ADPGK: variants seen among roughly 807,000 people sequenced by gnomAD.
The protein encoded by ADPGK is ADP-dependent glucokinase.
Under a neutral mutation model 42.4 loss-of-function variants are expected in ADPGK, and 26 were observed. That is an observed-to-expected ratio of 0.61 (90% CI 0.45 to 0.85). The LOEUF is 0.85. ADPGK is among the 40% of genes least tolerant of loss of function. The pLI, the probability that ADPGK is intolerant of heterozygous loss-of-function variation, is 0.00. For synonymous variants in ADPGK, 267 were observed against 252.6 expected (o/e 1.06, Z -0.54); for missense variants, 571 against 627.0 (o/e 0.91, Z 0.95).
At chr15:72,755,933 G>A in intron 5 of ADPGK, 6 of 647,290 alleles carry the variant, frequency 9.3e-6, no homozygotes, top group Non-Finnish European at 1.1e-5. Flanking sequence ...CAGCATAGCT[G>A]ATGTGAAGTG....
At chr15:72,775,569 C>T (rs1452954167) in intron 1 of ADPGK, among the ~76,000 whole-genome samples, 1 of 152,194 alleles carries the variant, frequency 6.6e-6, no homozygotes, top group Non-Finnish European at 1.5e-5. Context: ...TACTTAGGAA[C>T]AGCAATTGGC....
intron 3 of ADPGK, among the ~76,000 whole-genome samples, chr15:72,770,880 C>A (rs927480324): frequency 3.9e-5 from 6 of 152,146 alleles, no homozygotes; most frequent in Non-Finnish European, 8.8e-5. Context: ...CTTCTGGTTC[C>A]ACCACTCTGA....
chr15:72,765,529 T>G (rs1435990749), intron 3 of ADPGK, among the ~76,000 whole-genome samples: 4 of 152,244 alleles, frequency 2.6e-5, no homozygotes, highest in Admixed American at 1.3e-4. Flanking sequence ...CTCTGATGGA[T>G]CTGGGCAAAG....
intron 4 of ADPGK, chr15:72,758,185 C>T: frequency 6.6e-7 from 1 of 1,519,610 alleles, no homozygotes; most frequent in Non-Finnish European, 9.1e-7. Context: ...CCAGCATATT[C>T]ATGGCCCCGT....
chr15:72,751,907 CATG>C lies in ADPGK; in HGVS notation c.*431_*433del, dbSNP rs2151065263. The C allele has an allele frequency of 5.8e-6, 1 of 170,968 alleles. No homozygotes were observed. Among genetic ancestry groups the C allele is most frequent in the South Asian group, 1.5e-4 (1 of 6,866 alleles). 10.6% of individuals were successfully genotyped at this position (170,968 alleles called of 1,614,324 possible). A position where few individuals can be genotyped will look rare whatever the true frequency, so the allele number is the denominator to read the frequency against. On this transcript the variant is annotated 3_prime_UTR_variant, in exon 7 of 7. Coordinates refer to ENST00000456471, the MANE Select transcript of ADPGK (RefSeq NM_001365225.1). ...TGTCATTGTAACACGGAATGGAAAT[CATG>C]ATCCTTGCCCATGGGCACTGAGCTG...
intron 2 of ADPGK, among the ~76,000 whole-genome samples, chr15:72,772,102 T>G (rs749380719): frequency 6.6e-6 from 1 of 152,146 alleles, no homozygotes; most frequent in Non-Finnish European, 1.5e-5. Flanking sequence ...AGCTCTGAGC[T>G]TACAGACAGC....
chr15:72,780,138 C>T (rs1394447998), intron 1 of ADPGK, among the ~76,000 whole-genome samples: 1 of 152,150 alleles, frequency 6.6e-6, no homozygotes, highest in Non-Finnish European at 1.5e-5. Context: ...TTTCATAATG[C>T]TATAATGAAT....
intron 1 of ADPGK, among the ~76,000 whole-genome samples, chr15:72,778,251 A>C (rs1391326277): frequency 1.3e-5 from 2 of 152,198 alleles, no homozygotes; most frequent in Non-Finnish European, 2.9e-5. Context: ...CCTGTCTCAA[A>C]AAAACACTGA....
rs564595433 is a variant in ADPGK, at chr15:72,764,169, C to T, written c.523-3642G>A. On this transcript the variant is annotated intron_variant, in intron 3 of 6. Transcript: ENST00000456471. ...AAAAGCTAGAAATGATTAAGCTTAG[C>T]GACGAAGGCATGTAGAAAGCTGAGT... 9.5e-4 allele frequency among the ~76,000 whole-genome samples: 144 copies of T among 152,250 alleles called. 1 individual carries two copies. Among genetic ancestry groups the T allele is most frequent in the East Asian group, 2.3e-3 (12 of 5,190 alleles).
intron 1 of ADPGK, among the ~76,000 whole-genome samples, chr15:72,781,319 A>T (rs1001842531): frequency 7.9e-5 from 12 of 152,080 alleles, no homozygotes; most frequent in African/African-American, 2.7e-4. Flanking sequence ...GGCCCTTCAC[A>T]ATCTGGTCCA....
intron 1 of ADPGK, among the ~76,000 whole-genome samples, chr15:72,781,937 T>C (rs760108173): frequency 9.9e-5 from 15 of 152,184 alleles, no homozygotes; most frequent in Non-Finnish European, 1.9e-4. Context: ...GGAGTGTACA[T>C]GCGCAGACTA....
intron 1 of ADPGK, among the ~76,000 whole-genome samples, chr15:72,781,780 C>T (rs1265793864): frequency 6.6e-6 from 1 of 152,182 alleles, no homozygotes; most frequent in Middle Eastern, 3.2e-3. Context: ...CACCCCCCAC[C>T]AATTCATATG....
chr15:72,780,000 A>C (rs1276932523), intron 1 of ADPGK, among the ~76,000 whole-genome samples: 1 of 152,226 alleles, frequency 6.6e-6, no homozygotes, highest in African/African-American at 2.4e-5. Flanking sequence ...GAAATGGGAA[A>C]GACCAGGCTT....
intron 4 of ADPGK, 66 bp from the exon 5 acceptor site, chr15:72,756,513 G>C: frequency 6.5e-7 from 1 of 1,531,854 alleles, no homozygotes; most frequent in Non-Finnish European, 8.9e-7. Context: ...AGCTGTGGGG[G>C]CACTTTCAGG....
intron 2 of ADPGK, among the ~76,000 whole-genome samples, chr15:72,773,635 GAA>G (rs2066354652): frequency 6.6e-6 from 1 of 152,174 alleles, no homozygotes; most frequent in African/African-American, 2.4e-5. Flanking sequence ...AATCAAGAGA[GAA>G]GAGAAATCAA....
rs907316617 is a variant in ADPGK at position 72,755,615 on chromosome 15, C to T, written c.880G>A (p.Val294Ile). 6.2e-7 allele frequency: 1 copy of T among 1,614,098 alleles called. No individual in the cohort carries two copies. The highest frequency in any genetic ancestry group is 8.5e-7 in the Non-Finnish European group (1 of 1,179,992). The change falls in exon 6 of 7, where the codon GTT becomes ATT. Residue 294 changes from valine to isoleucine, a missense_variant. Around this residue, in one of 2 missense-constraint regions of ADPGK, gnomAD observed 434 missense variants for 522.7 expected, o/e 0.83. Coordinates refer to ENST00000456471, the MANE Select transcript of ADPGK (RefSeq NM_001365225.1). ...SISDIPTGIP[V>I]HLELASMTNR... ...GTCATACTGGCCAGCTCTAGGTGAACTGGAATACCAGTGGGGATGTCAGAA... is the reference window on the plus strand; with the variant it reads ...GTCATACTGGCCAGCTCTAGGTGAATTGGAATACCAGTGGGGATGTCAGAA...
chr15:72,776,397 AC>A (rs1403146596), intron 1 of ADPGK, among the ~76,000 whole-genome samples: 1 of 152,172 alleles, frequency 6.6e-6, no homozygotes, highest in Non-Finnish European at 1.5e-5. Flanking sequence ...GCAAACTGAG[AC>A]CACCCCTAGT....
In ADPGK at chr15:72,752,282, C is replaced by T. The variant is rs1290793688; in HGVS notation, c.*59G>A. The T allele has an allele frequency of 2.0e-6, 3 of 1,501,272 alleles. No homozygotes were observed. In the African/African-American group the frequency reaches 4.2e-5, roughly 21 times the overall value. The allele number at this position is 1,501,272 out of a possible 1,614,324, so 93.0% of individuals were successfully genotyped here. A position where few individuals can be genotyped will look rare whatever the true frequency, so the allele number is the denominator to read the frequency against. ...GGCTGTCTTCCAAACCACTTTCTTC[C>T]TGTAATTCTTAAGTTGGCTAGTTCT... On this transcript the variant is annotated 3_prime_UTR_variant, in exon 7 of 7. Transcript: ENST00000456471.
At chr15:72,778,304 A>C (rs1180746827) in intron 1 of ADPGK, among the ~76,000 whole-genome samples, 1 of 152,182 alleles carries the variant, frequency 6.6e-6, no homozygotes, top group Admixed American at 6.5e-5. Context: ...CTTTACATGT[A>C]CTTTCTTGTT....
Sources: gnomAD v4.1 joint callset for allele counts (sites outside exome capture counted in the v4.1 genomes callset) on GRCh38, gnomAD v4.1.1 for gene constraint, gnomAD v4.1.1 regional missense constraint, MANE v1.5 for transcripts, NCBI Gene and HGNC (gene_info 2026-07-23, HGNC 2026-07-21) for gene names.